DIS3L2: variants seen among roughly 807,000 people sequenced by gnomAD.
The protein encoded by DIS3L2 is DIS3 like 3'-5' exoribonuclease 2, also known as DIS3-like exonuclease 2.
A neutral mutation model predicts 97.5 loss-of-function variants in DIS3L2; 34 were observed. The observed-to-expected ratio is 0.35, with a 90% CI of 0.27 to 0.46. The LOEUF (loss-of-function observed/expected upper bound fraction) is 0.46. DIS3L2 is among the 20% of genes least tolerant of loss of function. The pLI, the probability that DIS3L2 is intolerant of heterozygous loss-of-function variation, is 1.00. For synonymous variants in DIS3L2, 435 were observed against 445.2 expected, an observed-to-expected ratio of 0.98 and a Z score of 0.29; for missense variants, 1,038 against 1,146.0, an observed-to-expected ratio of 0.91 and a Z score of 1.36.
rs1414438349 is a variant in DIS3L2 at position 232,268,306 on chromosome 2, T to G, written c.1659+4866T>G. 6.6e-6 allele frequency among the ~76,000 whole-genome samples: 1 copy of G among 152,240 alleles called. No homozygotes were observed. The highest frequency in any genetic ancestry group is 2.4e-5 in the African/African-American group (1 of 41,456). On this transcript the variant is annotated intron_variant, in intron 13 of 20. Transcript: ENST00000325385. The surrounding 1 kb of genome is among the most constrained non-coding windows in gnomAD (Gnocchi z 4.1). The stretch of plus-strand genomic sequence containing the variant: ...TTTGAAACCCAAACTGCAGGCAGTT[T>G]CTTTGAGTGGACTTGATTGTAAAGA...
At chr2:232,329,785 T>TGCCCCGGGGGGCCCC in intron 14 of DIS3L2, 28 bp from the exon 15 acceptor site, 1 of 967,144 alleles carries the variant, frequency 1.0e-6, no homozygotes, top group Non-Finnish European at 1.5e-6. Flanking sequence ...ACCCCAGCGG[T>TGCCCCGGGGGGCCCC]CCCTCCCATC....
At chr2:232,095,699 G>C (rs1169070585) in intron 6 of DIS3L2, among the ~76,000 whole-genome samples, 1 of 152,100 alleles carries the variant, frequency 6.6e-6, no homozygotes, top group Non-Finnish European at 1.5e-5. Context: ...TTAATGTTCT[G>C]TTCTTTCTAA....
intron 9 of DIS3L2, among the ~76,000 whole-genome samples, chr2:232,204,071 CCAATGCATG>C (rs1691965875): frequency 1.3e-5 from 2 of 152,058 alleles, no homozygotes; most frequent in South Asian, 4.2e-4. Context: ...AGGTTTTTGA[CCAATGCATG>C]CTTTAAGATG....
At position 232,334,355 on chromosome 2, in the gene DIS3L2, C is replaced by T. The variant is rs1257820110; in HGVS notation, c.2159-14C>T. 5.6e-6 allele frequency: 9 copies of T among 1,612,588 alleles called. No individual in the cohort carries two copies. The highest frequency in any genetic ancestry group is 3.3e-4 in the Middle Eastern group (2 of 6,078). Reference sequence around the variant, plus strand: ...CCCAGGCTCCCACTCTCATGCCTCACCCCCTCTTCCCAGGCTATAGGGAGC... The same window carrying T: ...CCCAGGCTCCCACTCTCATGCCTCATCCCCTCTTCCCAGGCTATAGGGAGC... On this transcript the variant is annotated splice_polypyrimidine_tract_variant and intron_variant, in intron 17 of 20. Transcript: ENST00000325385.
chr2:232,303,800 G>A (rs2102844), intron 14 of DIS3L2, among the ~76,000 whole-genome samples: 32,703 of 152,014 alleles, frequency 0.22, 5,116 homozygotes, highest in East Asian at 0.49. Flanking sequence ...CGGGTCCATG[G>A]GTGGTGCCTG....
At chr2:232,058,658 A>G (rs1695613700) in intron 5 of DIS3L2, among the ~76,000 whole-genome samples, 1 of 152,180 alleles carries the variant, frequency 6.6e-6, no homozygotes, top group Non-Finnish European at 1.5e-5. Context: ...ATACTGCTTT[A>G]CAGCCTTCCT....
At chr2:232,077,078 T>C (rs1696213008) in intron 5 of DIS3L2, among the ~76,000 whole-genome samples, 1 of 152,162 alleles carries the variant, frequency 6.6e-6, no homozygotes, top group African/African-American at 2.4e-5. Flanking sequence ...TTCTGTTCCT[T>C]TAAGTGGAGA....
intron 1 of DIS3L2, among the ~76,000 whole-genome samples, chr2:231,990,428 G>A (rs1407559552): frequency 2.0e-5 from 3 of 152,274 alleles, no homozygotes; most frequent in African/African-American, 4.8e-5. Context: ...AGTTTGATAC[G>A]AAAGTCTTTA....
chr2:232,244,913 G>A (rs62199207), intron 11 of DIS3L2, among the ~76,000 whole-genome samples: 3,611 of 152,296 alleles, frequency 0.024, 79 homozygotes, highest in Non-Finnish European at 0.035. Context: ...CGGCCCAGCA[G>A]TTTTCTCTGT....
chr2:232,335,731 G>T (rs1483838360), intron 19 of DIS3L2, 42 bp from the exon 20 acceptor site: 1 of 1,543,896 alleles, frequency 6.5e-7, no homozygotes, highest in African/African-American at 1.4e-5. Context: ...GCAGGCAGCA[G>T]CATCCAGAGC....
At chr2:232,036,735 C>G (rs1262549471) in intron 5 of DIS3L2, among the ~76,000 whole-genome samples, 1 of 152,166 alleles carries the variant, frequency 6.6e-6, no homozygotes, top group Non-Finnish European at 1.5e-5. Flanking sequence ...GATGTTGATG[C>G]TATTGCTTTC....
chr2:232,235,663 T>C (rs1242382037), intron 10 of DIS3L2, among the ~76,000 whole-genome samples: 2 of 152,228 alleles, frequency 1.3e-5, no homozygotes, highest in African/African-American at 4.8e-5. Context: ...ATGGTTTATA[T>C]CATGATGTAA....
At chr2:232,080,055 T>C (rs1696341729) in intron 5 of DIS3L2, among the ~76,000 whole-genome samples, 1 of 152,230 alleles carries the variant, frequency 6.6e-6, no homozygotes, top group Non-Finnish European at 1.5e-5. Flanking sequence ...AAGAGACCAA[T>C]TATTGCATTA....
chr2:232,258,360 G>A (rs1457952393), intron 12 of DIS3L2, among the ~76,000 whole-genome samples: 4 of 152,092 alleles, frequency 2.6e-5, no homozygotes, highest in African/African-American at 4.8e-5. Context: ...CAAAGCGGGC[G>A]GATCACGAGG....
At position 232,063,002 on chromosome 2, in the gene DIS3L2, C is replaced by T. The variant is rs114869528; in HGVS notation, c.367-24485C>T. 2.8e-3 allele frequency among the ~76,000 whole-genome samples: 426 copies of T among 152,160 alleles called. 1 individual carries two copies. The highest frequency in any genetic ancestry group is 4.6e-3 in the Non-Finnish European group (316 of 68,004). ...AGTGAGAAACCTGGCTCTTACTGTT[C>T]ACATTATATTTACTTTTTTGCTCAT... On this transcript the variant is annotated intron_variant, in intron 5 of 20. Coordinates refer to ENST00000325385, the MANE Select transcript of DIS3L2 (RefSeq NM_152383.5).
chr2:232,059,542 A>G (rs1166268519), intron 5 of DIS3L2, among the ~76,000 whole-genome samples: 6 of 152,236 alleles, frequency 3.9e-5, no homozygotes, highest in East Asian at 1.9e-4. Flanking sequence ...TTACCTGACT[A>G]TATTGTGTGA....
intron 8 of DIS3L2, among the ~76,000 whole-genome samples, chr2:232,143,715 C>T (rs1690135091): frequency 6.6e-6 from 1 of 151,882 alleles, no homozygotes; most frequent in South Asian, 2.1e-4. Context: ...ATATATGTAA[C>T]ACTTCTATAA....
intron 5 of DIS3L2, among the ~76,000 whole-genome samples, chr2:232,079,599 CAAAAAAAAAAAAA>C (rs760870721): frequency 2.4e-4 from 7 of 29,614 alleles, no homozygotes; most frequent in African/African-American, 1.2e-3. Flanking sequence ...GACTCTATCT[CAAAAAAAAAAAAA>C]AAAAAAAAAA....
chr2:231,997,637 C>T (rs1470499627), intron 1 of DIS3L2, among the ~76,000 whole-genome samples: 1 of 152,164 alleles, frequency 6.6e-6, no homozygotes, highest in Non-Finnish European at 1.5e-5. Context: ...AGGTATGATT[C>T]TATAATTAGA....
Sources: gnomAD v4.1 joint callset for allele counts (sites outside exome capture counted in the v4.1 genomes callset) on GRCh38, gnomAD v4.1.1 for gene constraint, Gnocchi (gnomAD v3.1) non-coding constraint, MANE v1.5 for transcripts, NCBI Gene and HGNC (gene_info 2026-07-23, HGNC 2026-07-21) for gene names.